CABIN1: variants seen among roughly 807,000 people sequenced by gnomAD.
The protein encoded by CABIN1 is calcineurin-binding protein cabin-1.
CABIN1 carries 133 observed loss-of-function variants against 227.7 expected under a neutral mutation model. That is an observed-to-expected ratio of 0.58 (90% confidence interval 0.51 to 0.67). The LOEUF is 0.67. Ranked by LOEUF, CABIN1 falls within the 30% of genes least tolerant of loss-of-function variation. The pLI is 0.00. For synonymous variants in CABIN1, 1,086 were observed against 1,155.1 expected, an observed-to-expected ratio of 0.94 and a Z score of 1.21; for missense variants, 2,408 against 2,852.5, an observed-to-expected ratio of 0.84 and a Z score of 3.55.
At chr22:24,068,958 G>C (rs1020466898) in intron 16 of CABIN1, among the ~76,000 whole-genome samples, 3 of 151,864 alleles carry the variant, frequency 2.0e-5, no homozygotes, top group Non-Finnish European at 4.4e-5. Context: ...TGTTCTCGAG[G>C]GGGGGCAGAC....
intron 10 of CABIN1, among the ~76,000 whole-genome samples, chr22:24,058,562 A>G (rs926580468): frequency 4.6e-5 from 7 of 152,178 alleles, no homozygotes; most frequent in Non-Finnish European, 8.8e-5. Context: ...CAGCTTTGTG[A>G]GGAGCCACGG....
intron 26 of CABIN1, among the ~76,000 whole-genome samples, chr22:24,104,300 A>C (rs2147562167): frequency 6.6e-6 from 1 of 152,308 alleles, no homozygotes; most frequent in East Asian, 1.9e-4. Flanking sequence ...CATTTGTATC[A>C]AGAGGGGCTG....
intron 26 of CABIN1, chr22:24,101,768 G>A (rs1003350310): frequency 1.3e-5 from 2 of 152,192 alleles, no homozygotes; most frequent in Admixed American, 6.5e-5. Context: ...TGACCTTCAG[G>A]GGGTTCCCAG....
intron 1 of CABIN1, among the ~76,000 whole-genome samples, chr22:24,034,002 C>G (rs962725494): frequency 5.3e-5 from 8 of 152,296 alleles, no homozygotes; most frequent in African/African-American, 1.4e-4. Context: ...TTTCCACGGA[C>G]CAGAGGCAGA....
At chr22:24,175,934 G>T (rs2047079056) in intron 34 of CABIN1, 177 bp from the exon 35 acceptor site, 2 of 729,778 alleles carry the variant, frequency 2.7e-6, no homozygotes, top group East Asian at 2.7e-5. Flanking sequence ...CTCTTGGGTG[G>T]TGAGTGGTTT....
Position 24,119,452 on chromosome 22 carries a change from C to G in CABIN1, c.4386C>G (p.Ala1462=), listed in dbSNP as rs755716617. 6.2e-7 allele frequency: 1 copy of G among 1,614,142 alleles called. No homozygotes were observed. Among genetic ancestry groups the G allele is most frequent in the South Asian group, 1.1e-5 (1 of 91,090 alleles). ...AGAAGCCTGCTGCAGAAACCCCAGC[C>G]TCTGCTTGCATCCCTGGCAAGCCCT... The part of the protein sequence containing the change: ...GVQKPAAETP[A]SACIPGKPSA... Residue 1462 remains alanine (A), a synonymous_variant, in exon 28 of 37, where the codon GCC becomes GCG. Coordinates refer to ENST00000263119, the MANE Select transcript of CABIN1 (RefSeq NM_012295.4).
chr22:24,013,820 G>A (rs2035030633), intron 1 of CABIN1, among the ~76,000 whole-genome samples: 1 of 152,164 alleles, frequency 6.6e-6, no homozygotes, highest in Admixed American at 6.5e-5. Flanking sequence ...CTTTTAAAGA[G>A]TAGTGATCAG....
intron 6 of CABIN1, among the ~76,000 whole-genome samples, chr22:24,047,537 A>G (rs981805730): frequency 6.6e-6 from 1 of 152,160 alleles, no homozygotes; most frequent in African/African-American, 2.4e-5. Flanking sequence ...TGATGCAGGC[A>G]CCTTTGGACC....
chr22:24,075,193 C>A (rs1685610390), intron 18 of CABIN1, among the ~76,000 whole-genome samples: 1 of 151,520 alleles, frequency 6.6e-6, no homozygotes, highest in African/African-American at 2.4e-5. Flanking sequence ...AAAGTGAGAC[C>A]TCATCTTAAA....
chr22:24,068,130 G>A (rs139812148), intron 16 of CABIN1, among the ~76,000 whole-genome samples: 97 of 152,292 alleles, frequency 6.4e-4, no homozygotes, highest in African/African-American at 2.3e-3. Context: ...TAAGAGGTGC[G>A]ACTATGGGAA....
At chr22:24,096,177 A>G in intron 25 of CABIN1, 95 bp downstream of exon 25, 1 of 1,351,422 alleles carries the variant, frequency 7.4e-7, no homozygotes, top group South Asian at 1.2e-5. Flanking sequence ...GGGTTGCTAC[A>G]CAGTAAACAG....
At chr22:24,102,185 T>A (rs1403595264) in intron 26 of CABIN1, 1 of 152,320 alleles carries the variant, frequency 6.6e-6, no homozygotes, top group Non-Finnish European at 1.5e-5. Flanking sequence ...AGAGACTGAA[T>A]CTGTGTGTGT....
At chr22:24,021,118 G>T (rs1377652985) in intron 1 of CABIN1, among the ~76,000 whole-genome samples, 1 of 151,956 alleles carries the variant, frequency 6.6e-6, no homozygotes, top group Non-Finnish European at 1.5e-5. Flanking sequence ...TCCCACTTCA[G>T]TCTGCTCAGT....
At chr22:24,086,898 G>T (rs970597912) in intron 22 of CABIN1, among the ~76,000 whole-genome samples, 4 of 152,208 alleles carry the variant, frequency 2.6e-5, no homozygotes, top group Admixed American at 2.6e-4. Flanking sequence ...CCCAGAGAGA[G>T]AATGGGGTAG....
intron 19 of CABIN1, among the ~76,000 whole-genome samples, chr22:24,079,423 AG>A (rs1300140716): frequency 1.3e-5 from 2 of 151,674 alleles, no homozygotes; most frequent in African/African-American, 2.4e-5. Context: ...TTCCTGTAAA[AG>A]GAACTACTGG....
chr22:24,151,188 G>A (rs555014564), intron 29 of CABIN1, among the ~76,000 whole-genome samples: 1 of 152,158 alleles, frequency 6.6e-6, no homozygotes, highest in African/African-American at 2.4e-5. Context: ...GCCTGTTCCC[G>A]CTACCTGTTC....
At chr22:24,056,520 T>G (rs550421486) in intron 10 of CABIN1, 160 bp downstream of exon 10, 3 of 734,298 alleles carry the variant, frequency 4.1e-6, no homozygotes, top group Middle Eastern at 3.6e-4. Flanking sequence ...CTCACTGGAG[T>G]AGGATCTTGG....
intron 29 of CABIN1, among the ~76,000 whole-genome samples, chr22:24,137,988 G>A (rs902557630): frequency 6.6e-6 from 1 of 152,158 alleles, no homozygotes; most frequent in Non-Finnish European, 1.5e-5. Flanking sequence ...GCCCTTGAGA[G>A]GAGATAAAGG....
chr22:24,045,887 T>A lies in CABIN1; in HGVS notation c.526+2803T>A, dbSNP rs188435342. On this transcript the variant is annotated intron_variant, in intron 6 of 36. Coordinates refer to ENST00000263119, the MANE Select transcript of CABIN1 (RefSeq NM_012295.4). ...CAGTTCTTGTTCTCCATAACCACTT[T>A]TTAAATCTTTTTAATTGAGGCAAAA... Among the ~76,000 whole-genome samples, 507 of 152,334 alleles carry A rather than the reference T, an allele frequency of 3.3e-3. 1 individual carries two copies. The highest frequency in any genetic ancestry group is 0.02 in the Middle Eastern group (6 of 294).
Sources: gnomAD v4.1 joint callset for allele counts (sites outside exome capture counted in the v4.1 genomes callset) on GRCh38, gnomAD v4.1.1 for gene constraint, MANE v1.5 for transcripts, NCBI Gene and HGNC (gene_info 2026-07-23, HGNC 2026-07-21) for gene names.